NLGN1: variants seen among roughly 807,000 people sequenced by gnomAD.
NLGN1 encodes neuroligin-1.
Under a neutral mutation model 65.5 loss-of-function variants are expected in NLGN1, and 12 were observed. The observed-to-expected ratio is 0.18, with a 90% confidence interval of 0.12 to 0.30. The LOEUF is 0.30. Among genes scored for constraint, NLGN1 ranks in the 10% least tolerant of loss-of-function variants. The pLI is 1.00. For synonymous variants in NLGN1, 350 were observed against 359.5 expected (o/e 0.97, Z 0.30); for missense variants, 750 against 1,007.1 (o/e 0.74, Z 3.46).
chr3:173,502,452 C>T (rs1003249364), intron 2 of NLGN1, among the ~76,000 whole-genome samples: 2 of 151,968 alleles, frequency 1.3e-5, no homozygotes, highest in Non-Finnish European at 2.9e-5. Flanking sequence ...TAAATGCTTC[C>T]AGAGAATATG....
At chr3:173,878,948 G>C (rs1311538377) in intron 4 of NLGN1, among the ~76,000 whole-genome samples, 1 of 151,830 alleles carries the variant, frequency 6.6e-6, no homozygotes, top group East Asian at 1.9e-4. Context: ...ATGTCTTATT[G>C]AGGCTGGGCA....
chr3:174,018,958 AG>A (rs1727187902), intron 4 of NLGN1, among the ~76,000 whole-genome samples: 1 of 152,174 alleles, frequency 6.6e-6, no homozygotes, highest in African/African-American at 2.4e-5. Context: ...ACTGAAAAAT[AG>A]CCCCAAATAT....
chr3:173,812,948 CAGT>C (rs1349707090), intron 4 of NLGN1, among the ~76,000 whole-genome samples: 2 of 150,058 alleles, frequency 1.3e-5, no homozygotes, highest in African/African-American at 2.4e-5. Flanking sequence ...AGGAGAAAAA[CAGT>C]AGAGAATAAT....
intron 4 of NLGN1, among the ~76,000 whole-genome samples, chr3:174,206,262 T>G (rs1160024161): frequency 1.3e-5 from 2 of 152,146 alleles, no homozygotes; most frequent in Non-Finnish European, 2.9e-5. Flanking sequence ...TGTTCCTTTC[T>G]TCACTTGGTC....
intron 3 of NLGN1, among the ~76,000 whole-genome samples, chr3:173,620,719 G>A (rs1278485279): frequency 2.6e-5 from 4 of 152,020 alleles, no homozygotes; most frequent in Non-Finnish European, 5.9e-5. Context: ...AGAGAGATAA[G>A]TATGTCAGAA....
At chr3:173,419,017 C>CTTT (rs1714402944) in intron 1 of NLGN1, among the ~76,000 whole-genome samples, 1 of 11,274 alleles carries the variant, frequency 8.9e-5, no homozygotes, top group Non-Finnish European at 1.7e-4. Flanking sequence ...CTTTCTTCTT[C>CTTT]TTCTTTTTTT....
intron 4 of NLGN1, among the ~76,000 whole-genome samples, chr3:174,147,341 G>T (rs1340774745): frequency 6.6e-6 from 1 of 150,914 alleles, no homozygotes; most frequent in Non-Finnish European, 1.5e-5. Context: ...TTGCTACGCG[G>T]TGTAGGTCCA....
At chr3:173,768,841 G>A (rs912921887) in intron 3 of NLGN1, among the ~76,000 whole-genome samples, 1 of 152,020 alleles carries the variant, frequency 6.6e-6, no homozygotes, top group Non-Finnish European at 1.5e-5. Flanking sequence ...GTGTGATCTT[G>A]ACTCACAGCA....
intron 2 of NLGN1, among the ~76,000 whole-genome samples, chr3:173,479,427 A>G (rs762034849): frequency 2.0e-5 from 3 of 152,236 alleles, no homozygotes; most frequent in Non-Finnish European, 2.9e-5. Context: ...AACTGGTTCC[A>G]TAGAGCTGGA....
At chr3:174,114,513 C>G (rs1296912757) in intron 4 of NLGN1, among the ~76,000 whole-genome samples, 2 of 152,126 alleles carry the variant, frequency 1.3e-5, no homozygotes, top group Non-Finnish European at 2.9e-5. Flanking sequence ...TGATGCCTTA[C>G]TCAATGAGGC....
At chr3:173,535,766 G>A (rs1353109578) in intron 2 of NLGN1, among the ~76,000 whole-genome samples, 1 of 152,106 alleles carries the variant, frequency 6.6e-6, no homozygotes, top group East Asian at 1.9e-4. Flanking sequence ...GCAAGCCTTT[G>A]GTTTTCTGTT....
At chr3:173,401,287 G>T (rs565001345) in intron 1 of NLGN1, among the ~76,000 whole-genome samples, 2 of 151,592 alleles carry the variant, frequency 1.3e-5, no homozygotes, top group Non-Finnish European at 2.9e-5. Context: ...TCTCTAAGAG[G>T]TCAGATTGTC....
chr3:173,993,424 C>T (rs1224406020), intron 4 of NLGN1, among the ~76,000 whole-genome samples: 3 of 152,150 alleles, frequency 2.0e-5, no homozygotes, highest in Non-Finnish European at 4.4e-5. Flanking sequence ...AGATATGATT[C>T]ACTCTCTTTG....
At chr3:173,922,585 A>C (rs555701796) in intron 4 of NLGN1, among the ~76,000 whole-genome samples, 1 of 152,184 alleles carries the variant, frequency 6.6e-6, no homozygotes, top group Admixed American at 6.6e-5. Flanking sequence ...ACATTTTTTC[A>C]AGCTGGTTAT....
At chr3:173,963,767 G>A (rs1413570492) in intron 4 of NLGN1, among the ~76,000 whole-genome samples, 2 of 152,148 alleles carry the variant, frequency 1.3e-5, no homozygotes, top group Non-Finnish European at 2.9e-5. Flanking sequence ...AGTTCAAAAG[G>A]TGTCTAATTG....
chr3:174,106,264 T>C (rs145059828), intron 4 of NLGN1, among the ~76,000 whole-genome samples: 1 of 152,244 alleles, frequency 6.6e-6, no homozygotes, highest in East Asian at 1.9e-4. Flanking sequence ...TCCAAGAATA[T>C]AGCATTATGC....
At chr3:174,110,416 CT>C (rs1336353740) in intron 4 of NLGN1, among the ~76,000 whole-genome samples, 2 of 151,928 alleles carry the variant, frequency 1.3e-5, no homozygotes, top group African/African-American at 4.8e-5. Flanking sequence ...GATATTATTC[CT>C]GTTTTTGCCT....
intron 2 of NLGN1, among the ~76,000 whole-genome samples, chr3:173,475,338 A>G (rs1169691116): frequency 6.6e-6 from 1 of 152,068 alleles, no homozygotes; most frequent in Non-Finnish European, 1.5e-5. Flanking sequence ...AAAATCCTTT[A>G]AAAGAAATAA....
At chr3:174,064,384 A>G (rs1738053431) in intron 4 of NLGN1, among the ~76,000 whole-genome samples, 1 of 152,020 alleles carries the variant, frequency 6.6e-6, no homozygotes, top group Non-Finnish European at 1.5e-5. Context: ...TTAGCCTATC[A>G]TCATAACTAC....
Sources: gnomAD v4.1 joint callset for allele counts (sites outside exome capture counted in the v4.1 genomes callset) on GRCh38, gnomAD v4.1.1 for gene constraint, MANE v1.5 for transcripts, NCBI Gene and HGNC (gene_info 2026-07-23, HGNC 2026-07-21) for gene names.